The following GNL3L variants were observed in gnomAD, a reference collection of about 807,000 sequenced individuals.
The protein encoded by GNL3L is G protein nucleolar 3 like.
In GNL3L, 4 loss-of-function variants were observed where a neutral mutation model predicts 42.9. That is an observed-to-expected ratio of 0.09 (90% CI 0.05 to 0.21). The LOEUF (loss-of-function observed/expected upper bound fraction) is 0.21, where lower values mean the gene tolerates loss of function less well. Ranked by LOEUF, GNL3L falls within the 10% of genes least tolerant of loss-of-function variation. The pLI, the probability that GNL3L is intolerant of heterozygous loss-of-function variation, is 1.00. For synonymous variants in GNL3L, 159 were observed against 176.3 expected, an observed-to-expected ratio of 0.90 and a Z score of 0.78; for missense variants, 412 against 481.7, an observed-to-expected ratio of 0.86 and a Z score of 1.36.
chrX:54,569,145 T>A (rs1188888099), downstream of GNL3L, among the ~76,000 whole-genome samples: 1 of 112,259 alleles, frequency 8.9e-6, no homozygotes, highest in Non-Finnish European at 1.9e-5. Flanking sequence ...AATTTTTGCT[T>A]GGAATTTTTG....
chrX:54,610,442 A>T (rs1926149315), intron 16 of GNL3L, among the ~76,000 whole-genome samples: 1 of 111,194 alleles, frequency 9.0e-6, no homozygotes, highest in African/African-American at 3.3e-5. Flanking sequence ...TCTCAGAGGG[A>T]ATGCTTTCAA....
chrX:54,607,078 CTTTCT>C (rs1926096767), intron 16 of GNL3L, among the ~76,000 whole-genome samples: 1 of 27,321 alleles, frequency 3.7e-5, no homozygotes, highest in Non-Finnish European at 6.2e-5. Context: ...CTTTCTCTTT[CTTTCT>C]TCTTTCTTTC....
chrX:54,594,235 A>G (rs1389098558), intron 16 of GNL3L, among the ~76,000 whole-genome samples: 3 of 111,581 alleles, frequency 2.7e-5, no homozygotes, highest in Non-Finnish European at 5.7e-5. Context: ...ATTGGAGTCT[A>G]TCTGTCTTTT....
At chrX:54,592,033 C>T (rs1476110372) in intron 16 of GNL3L, among the ~76,000 whole-genome samples, 1 of 111,528 alleles carries the variant, frequency 9.0e-6, no homozygotes, top group African/African-American at 3.3e-5. Flanking sequence ...TCTTTCACTT[C>T]TTTGGTTAAT....
At chrX:54,615,611 C>G (rs1363387925) in intron 16 of GNL3L, among the ~76,000 whole-genome samples, 2 of 111,788 alleles carry the variant, frequency 1.8e-5, no homozygotes, top group African/African-American at 3.3e-5. Flanking sequence ...TTTATCTCTA[C>G]TAAGTATTTC....
intron 13 of GNL3L, among the ~76,000 whole-genome samples, 162 bp from the exon 14 acceptor site, chrX:54,554,403 T>C (rs914174892): frequency 9.9e-5 from 11 of 111,444 alleles, no homozygotes; most frequent in African/African-American, 3.6e-4. Context: ...GCAAAACCCA[T>C]GCTTTTAATT....
chrX:54,592,161 C>T (rs375722715), intron 16 of GNL3L, among the ~76,000 whole-genome samples: 153 of 111,688 alleles, frequency 1.4e-3, no homozygotes, highest in African/African-American at 4.6e-3. Flanking sequence ...ATGTTGATTT[C>T]GAAACCTGCT....
the GNL3L span, among the ~76,000 whole-genome samples, chrX:54,636,387 A>C: frequency 2.7e-5 from 3 of 111,601 alleles, no homozygotes; most frequent in African/African-American, 9.8e-5. Context: ...TTCAACTTTT[A>C]TTTTAGGTTC....
Position 54,614,615 on chromosome X carries a change from A to G in GNL3L, c.*46-6230A>G, listed in dbSNP as rs1048257755. On this transcript the variant is annotated intron_variant, in intron 16 of 16. Coordinates refer to the GNL3L transcript ENST00000674498. The stretch of plus-strand genomic sequence containing the variant: ...CCTTTCTGCTGCTTCCTCTACCCCT[A>G]TATTTCGCTCGGCTCTCTAAATTGA... 1.1e-4 allele frequency among the ~76,000 whole-genome samples: 12 copies of G among 111,061 alleles called. No homozygotes were observed. In the East Asian group the frequency reaches 1.7e-3, roughly 16 times the overall value.
chrX:54,592,791 G>A (rs1482673357), intron 16 of GNL3L, among the ~76,000 whole-genome samples: 1 of 108,896 alleles, frequency 9.2e-6, no homozygotes, highest in African/African-American at 3.4e-5. Context: ...CTCCAGGCTG[G>A]GTGACACAGT....
At chrX:54,575,531 G>A (rs1270003682) in intron 16 of GNL3L, among the ~76,000 whole-genome samples, 7 of 112,043 alleles carry the variant, frequency 6.2e-5, no homozygotes, top group African/African-American at 1.9e-4. Flanking sequence ...TCGGGAGTTC[G>A]AGACCATCCT....
chrX:54,554,427 C>T, intron 13 of GNL3L, 138 bp from the exon 14 acceptor site: 1 of 486,791 alleles, frequency 2.1e-6, no homozygotes, highest in Non-Finnish European at 3.4e-6. Flanking sequence ...GGTGATGTGG[C>T]CTCTCAGCAG....
chrX:54,585,887 T>C lies in GNL3L; in HGVS notation c.*45+25240T>C, dbSNP rs918925733. 6.2e-4 allele frequency among the ~76,000 whole-genome samples: 69 copies of C among 111,481 alleles called. 1 individual carries two copies. Among genetic ancestry groups the C allele is most frequent in the African/African-American group, 2.2e-3 (68 of 30,609 alleles). ...TGTAGGTATTTATTGCTATAAACTT[T>C]CTTTTTAGAACTGTTTTTGATGCAT... On this transcript the variant is annotated intron_variant, in intron 16 of 16. Coordinates refer to the GNL3L transcript ENST00000674498.
intron 16 of GNL3L, among the ~76,000 whole-genome samples, chrX:54,589,793 A>G (rs1219402467): frequency 1.8e-5 from 2 of 110,822 alleles, no homozygotes; most frequent in Non-Finnish European, 3.8e-5. Flanking sequence ...CTCTATTTTT[A>G]GTTTTTTGAG....
chrX:54,568,435 ACT>A (rs1358615822), downstream of GNL3L, among the ~76,000 whole-genome samples: 1 of 109,791 alleles, frequency 9.1e-6, no homozygotes, highest in Non-Finnish European at 1.9e-5. Flanking sequence ...TCAGGGTTAC[ACT>A]CTCTCCAGAG....
chrX:54,632,415 G>GT, the GNL3L span, among the ~76,000 whole-genome samples: 15,409 of 103,614 alleles, frequency 0.15, 1,752 homozygotes, highest in African/African-American at 0.39. Flanking sequence ...ATTATTCTTA[G>GT]TTTTTTTTTT....
rs1469822299 is a variant in GNL3L, at chrX:54,565,114, A to G, written c.*4512A>G. ...CATTTTGAGAGCGACTTCTTTTGCT[A>G]TGAGTAATACATTTGAGATTCATCC... On this transcript the variant is annotated 3_prime_UTR_variant, in exon 16 of 16. Coordinates refer to ENST00000360845, the MANE Select transcript of GNL3L (RefSeq NM_001184819.2). Among the ~76,000 whole-genome samples, 3 of 111,707 alleles carry G rather than the reference A, an allele frequency of 2.7e-5. No homozygotes were observed. The highest frequency in any genetic ancestry group is 3.3e-5 in the African/African-American group (1 of 30,740).
At chrX:54,585,829 G>T (rs1925776853) in intron 16 of GNL3L, among the ~76,000 whole-genome samples, 1 of 110,570 alleles carries the variant, frequency 9.0e-6, no homozygotes, top group South Asian at 3.7e-4. Flanking sequence ...TGTAAAGTTA[G>T]ATTGTTTATT....
chrX:54,584,648 G>A (rs1925759868), intron 16 of GNL3L, among the ~76,000 whole-genome samples: 1 of 112,568 alleles, frequency 8.9e-6, no homozygotes. Flanking sequence ...AATGAACATG[G>A]TAGTACAGAT....
Sources: gnomAD v4.1 joint callset for allele counts (sites outside exome capture counted in the v4.1 genomes callset) on GRCh38, gnomAD v4.1.1 for gene constraint, MANE v1.5 for transcripts, NCBI Gene and HGNC (gene_info 2026-07-23, HGNC 2026-07-21) for gene names.